Variants in NPC1L1 observed in about 807,000 individuals in gnomAD.
NPC1L1 encodes NPC1 like intracellular cholesterol transporter 1.
In NPC1L1, 98 loss-of-function variants were observed where a neutral mutation model predicts 117.0. The observed-to-expected ratio is 0.84, with a 90% CI of 0.71 to 0.99. The LOEUF (loss-of-function observed/expected upper bound fraction) is 0.99, where lower values mean the gene tolerates loss of function less well. Among genes scored for constraint, NPC1L1 ranks in the 50% least tolerant of loss-of-function variants. NPC1L1 has a pLI of 0.00. For synonymous variants in NPC1L1, 729 were observed against 727.6 expected (o/e 1.00, Z -0.03); for missense variants, 1,540 against 1,710.0 (o/e 0.90, Z 1.75).
chr7:44,516,049 GT>G, intron 17 of NPC1L1, 34 bp downstream of exon 17: 1 of 1,607,198 alleles, frequency 6.2e-7, no homozygotes, highest in Non-Finnish European at 8.5e-7. Flanking sequence ...AGGGTGTCGA[GT>G]GGGGCACAGG....
At chr7:44,517,065 A>G (rs1801213289) in intron 15 of NPC1L1, 131 bp from the exon 16 acceptor site, 3 of 1,438,326 alleles carry the variant, frequency 2.1e-6, no homozygotes, top group African/African-American at 1.4e-5. Context: ...AGCCTAAGAA[A>G]TAGGCCCAAG....
At position 44,519,648 on chromosome 7, in the gene NPC1L1, G is replaced by A. The variant is rs77073711; in HGVS notation, c.3136+1117C>T. 5.8e-4 allele frequency among the ~76,000 whole-genome samples: 88 copies of A among 152,102 alleles called. 1 individual carries two copies. The East Asian group carries it at 0.015, about 27-fold the overall frequency. ...CGACCCCCATGTCCATCTCCAGCAC[G>A]AGCTCCCTTAGGGCCCCTACACCGA... On this transcript the variant is annotated intron_variant, in intron 14 of 18. Transcript: ENST00000381160.
chr7:44,539,542 C>T lies in NPC1L1; in HGVS notation c.855G>A (p.Leu285=), dbSNP rs150529558. 1 of 1,614,082 alleles carries T rather than the reference C, an allele frequency of 6.2e-7. No homozygotes were observed. The highest frequency in any genetic ancestry group is 2.2e-5 in the East Asian group (1 of 44,880). ...CAGAGCAGAGGATGATGATGAGGAC[C>T]AGACTGCCCGGCATCTGGCCCAGGT... ...TFYLGQMPGS[L]VLIIILCSVF... is the part of the protein sequence containing the mutation. Residue 285 remains leucine, a synonymous_variant, in exon 2 of 19, where the codon CTG becomes CTA. Transcript: ENST00000381160. The surrounding 1 kb of genome is among the most constrained non-coding windows in gnomAD (Gnocchi z 4.4).
chr7:44,528,404 T>G (rs1801591373), intron 10 of NPC1L1, among the ~76,000 whole-genome samples: 2 of 152,302 alleles, frequency 1.3e-5, no homozygotes, highest in Middle Eastern at 6.8e-3. Flanking sequence ...CATGGCTAGC[T>G]CAAGATATAA....
Position 44,521,116 on chromosome 7 carries a change from A to T in NPC1L1, c.2956T>A (p.Ser986Thr). The T allele has an allele frequency of 6.2e-7, 1 of 1,614,092 alleles. No individual in the cohort carries two copies. Among genetic ancestry groups the T allele is most frequent in the East Asian group, 2.2e-5 (1 of 44,854 alleles). Reference sequence around the variant, plus strand: ...ATGCAGTTCTTTAGGCAGTTCAGAGAGTCTGCAGAGAAAGCAGGGGTCTGG... The same window carrying T: ...ATGCAGTTCTTTAGGCAGTTCAGAGTGTCTGCAGAGAAAGCAGGGGTCTGG... ...KDKFCPSTVN[S>T]LNCLKNCMSI... Residue 986 changes from serine to threonine, a missense_variant and splice_region_variant, in exon 13 of 19, where the codon TCT (serine) becomes ACT (threonine). Ser to Thr is a moderately conservative substitution (Grantham distance 58). Coordinates refer to ENST00000381160, the MANE Select transcript of NPC1L1 (RefSeq NM_001101648.2).
Position 44,539,243 on chromosome 7 carries a change from G to T in NPC1L1, c.1154C>A (p.Ala385Asp), listed in dbSNP as rs373683105. The T allele has an allele frequency of 6.2e-7, 1 of 1,614,094 alleles. No individual in the cohort carries two copies. The change falls in exon 2 of 19, where the codon GCC becomes GAC. Residue 385 changes from alanine to aspartate, a missense_variant. By Grantham distance (126) the Ala-to-Asp change is moderately radical. Around this residue, in one of 3 missense-constraint regions of NPC1L1, gnomAD observed 793 missense variants for 820.4 expected, o/e 0.97. Transcript: ENST00000381160. This position sits in a 1 kb window ranked among gnomAD's most constrained non-coding sequence, Gnocchi z 4.4. ...CTCACTCCGGGCTTGGCTGTTGGGG[G>T]CCGACCACAGCTCCACGGGGTCCGT... ...LTTDPVELWS[A>D]PNSQARSEKA...
rs371257058 is a variant in NPC1L1 at position 44,536,238 on chromosome 7, G to A, written c.1854+18C>T. On this transcript the variant is annotated intron_variant, in intron 4 of 18. Coordinates refer to ENST00000381160, the MANE Select transcript of NPC1L1 (RefSeq NM_001101648.2). The surrounding 1 kb of genome is among the most constrained non-coding windows in gnomAD (Gnocchi z 4.7). ...ACCTGGGTTGCACCCCCAGAGCCAG[G>A]GACCCTGCAGCCCCTACCTCAGCCA... 6.2e-7 allele frequency: 1 copy of A among 1,612,618 alleles called. No homozygotes were observed. The highest frequency in any genetic ancestry group is 1.3e-5 in the African/African-American group (1 of 74,880).
In NPC1L1 at chr7:44,516,106, G is replaced by A. The variant is rs1801178119; in HGVS notation, c.3611C>T (p.Ala1204Val). 2 of 1,612,450 alleles carry A rather than the reference G, an allele frequency of 1.2e-6. No individual in the cohort carries two copies. The highest frequency in any genetic ancestry group is 1.7e-6 in the Non-Finnish European group (2 of 1,179,280). The change falls in exon 17 of 19, where the codon GCC (alanine) becomes GTC (valine). Residue 1204 changes from alanine (A) to valine (V), a missense_variant. This residue lies in a region of NPC1L1 where 742 missense variants were observed against 873.6 expected (regional missense o/e 0.85). Transcript: ENST00000381160. ...KPTWLERAKE[A>V]TISMGSAVFA... is the part of the protein sequence containing the mutation. Reference sequence around the variant, plus strand: ...CACCGCACTTCCCATAGAGATGGTGGCCTCTTTGGCCCTCTCCAGCCAGGT... The same window carrying A: ...CACCGCACTTCCCATAGAGATGGTGACCTCTTTGGCCCTCTCCAGCCAGGT...
At chr7:44,527,461 C>CAAAAAAAA (rs1160435212) in intron 10 of NPC1L1, among the ~76,000 whole-genome samples, 3 of 40,096 alleles carry the variant, frequency 7.5e-5, no homozygotes, top group South Asian at 1.7e-3. Context: ...AACAACTTCT[C>CAAAAAAAA]AAAAAAAAAA....
chr7:44,516,911 T>C lies in NPC1L1; in HGVS notation c.3311A>G (p.Gln1104Arg), dbSNP rs535032460. The change falls in exon 16 of 19, where the codon CAG (glutamine) becomes CGG (arginine). Residue 1104 changes from glutamine (Q) to arginine (R), a missense_variant. By Grantham distance (43) the Gln-to-Arg change is conservative. This residue lies in a region of NPC1L1 where 742 missense variants were observed against 873.6 expected (regional missense o/e 0.85). Transcript: ENST00000381160. ...PYTITNVFYE[Q>R]YLTILPEGLF... ...CCCCTCAGGGAGGATGGTCAGGTAC[T>C]GCTCATAAAACACATTGGTGATCCT... The C allele has an allele frequency of 4.3e-6, 7 of 1,613,806 alleles. No homozygotes were observed. The East Asian group carries it at 1.3e-4, about 31-fold the overall frequency.
At chr7:44,532,317 G>T (rs1445550357) in intron 8 of NPC1L1, 100 bp from the exon 9 acceptor site, 1 of 1,407,956 alleles carries the variant, frequency 7.1e-7, no homozygotes, top group Admixed American at 1.7e-5. Context: ...TGGGTGGCCC[G>T]TGCCAGTGCC....
rs112248662 is a variant in NPC1L1 at position 44,534,067 on chromosome 7, T to C, written c.2167-214A>G. Reference sequence around the variant, plus strand: ...ATGGTTGGTGCATTTGAGATGTCTATAGCATCCCTGTTCCAAGCACTGTTG... The same window carrying C: ...ATGGTTGGTGCATTTGAGATGTCTACAGCATCCCTGTTCCAAGCACTGTTG... On this transcript the variant is annotated intron_variant, in intron 6 of 18. Transcript: ENST00000381160. This position sits in a 1 kb window ranked among gnomAD's most constrained non-coding sequence, Gnocchi z 5.2. Among the ~76,000 whole-genome samples, 5 of 152,338 alleles carry C rather than the reference T, an allele frequency of 3.3e-5. No individual in the cohort carries two copies. Among genetic ancestry groups the C allele is most frequent in the African/African-American group, 1.2e-4 (5 of 41,584 alleles).
chr7:44,522,579 GACAC>G (rs1801395704), intron 10 of NPC1L1, among the ~76,000 whole-genome samples: 1 of 152,152 alleles, frequency 6.6e-6, no homozygotes, highest in South Asian at 2.1e-4. Flanking sequence ...GACATGCACA[GACAC>G]ACACACTCAG....
At position 44,539,502 on chromosome 7, in the gene NPC1L1, T is replaced by C. The variant is rs752025472; in HGVS notation, c.895A>G (p.Thr299Ala). The C allele has an allele frequency of 1.7e-5, 27 of 1,613,386 alleles. No homozygotes were observed. The highest frequency in any genetic ancestry group is 2.0e-5 in the Non-Finnish European group (24 of 1,179,612). Residue 299 changes from threonine to alanine, a missense_variant, in exon 2 of 19, where the codon ACC becomes GCC. By Grantham distance (58) the Thr-to-Ala change is moderately conservative. This residue lies in a region of NPC1L1 where 793 missense variants were observed against 820.4 expected (regional missense o/e 0.97). Transcript: ENST00000381160. This position sits in a 1 kb window ranked among gnomAD's most constrained non-coding sequence, Gnocchi z 4.4. Reference sequence around the variant, plus strand: ...ACACGGAATCCCACAAGCAGGATGGTGACCACAGCGAAGACAGAGCAGAGG... The same window carrying C: ...ACACGGAATCCCACAAGCAGGATGGCGACCACAGCGAAGACAGAGCAGAGG... ...IILCSVFAVVTILLVGFRVAP... is the reference protein window; with the variant it reads ...IILCSVFAVVAILLVGFRVAP...
At chr7:44,525,610 T>C (rs1291061453) in intron 10 of NPC1L1, among the ~76,000 whole-genome samples, 4 of 151,026 alleles carry the variant, frequency 2.6e-5, no homozygotes, top group South Asian at 4.2e-4. Flanking sequence ...TGGTGGCATA[T>C]ACCTGTAGTC....
intron 2 of NPC1L1, among the ~76,000 whole-genome samples, chr7:44,537,278 G>A (rs1016853900): frequency 1.3e-5 from 2 of 152,146 alleles, no homozygotes; most frequent in African/African-American, 4.8e-5. Flanking sequence ...CCACACACTG[G>A]CCTGACCTTC....
chr7:44,525,456 C>G (rs962054297), intron 10 of NPC1L1, among the ~76,000 whole-genome samples: 1 of 152,170 alleles, frequency 6.6e-6, no homozygotes, highest in African/African-American at 2.4e-5. Context: ...TGGGGTTTCA[C>G]CATGTTGGCC....
rs769185748 is a variant in NPC1L1 at position 44,539,755 on chromosome 7, G to A, written c.642C>T (p.Ala214=). Residue 214 remains alanine (A), a synonymous_variant, in exon 2 of 19, where the codon GCC becomes GCT. Transcript: ENST00000381160. The surrounding 1 kb of genome is among the most constrained non-coding windows in gnomAD (Gnocchi z 4.4). ...AGAGGTGGAAGGTGATGTCCAGTGG[G>A]GCCAGACCATTGCCTGTGTCTCCCT... ...NFQGDTGNGL[A]PLDITFHLLE... 6.1e-5 allele frequency: 99 copies of A among 1,614,012 alleles called. 1 individual carries two copies. The highest frequency in any genetic ancestry group is 7.9e-5 in the Non-Finnish European group (93 of 1,180,038).
chr7:44,539,248 C>T lies in NPC1L1; in HGVS notation c.1149G>A (p.Trp383Ter), dbSNP rs1802001173. The part of the protein sequence containing the change: ...TELTTDPVEL[W>*]SAPNSQARSE... Reference sequence around the variant, plus strand: ...TCCGGGCTTGGCTGTTGGGGGCCGACCACAGCTCCACGGGGTCCGTAGTGA... The same window carrying T: ...TCCGGGCTTGGCTGTTGGGGGCCGATCACAGCTCCACGGGGTCCGTAGTGA... Residue 383 changes from tryptophan (W) to a stop codon, truncating the protein, a stop_gained, in exon 2 of 19, where the codon TGG becomes TGA. Coordinates refer to ENST00000381160, the MANE Select transcript of NPC1L1 (RefSeq NM_001101648.2). LOFTEE classifies it high-confidence loss of function. The surrounding 1 kb of genome is among the most constrained non-coding windows in gnomAD (Gnocchi z 4.4). The T allele has an allele frequency of 1.2e-6, 2 of 1,613,998 alleles. No individual in the cohort carries two copies. The highest frequency in any genetic ancestry group is 1.3e-5 in the African/African-American group (1 of 74,932).
Sources: gnomAD v4.1 joint callset for allele counts (sites outside exome capture counted in the v4.1 genomes callset) on GRCh38, gnomAD v4.1.1 for gene constraint, gnomAD v4.1.1 regional missense constraint, Gnocchi (gnomAD v3.1) non-coding constraint, MANE v1.5 for transcripts, NCBI Gene and HGNC (gene_info 2026-07-23, HGNC 2026-07-21) for gene names.